DYNC2I1: variants seen among roughly 807,000 people sequenced by gnomAD.
DYNC2I1 encodes the protein cytoplasmic dynein 2 intermediate chain 1.
A neutral mutation model predicts 133.4 loss-of-function variants in DYNC2I1; 89 were observed. That is an observed-to-expected ratio of 0.67 (90% confidence interval 0.56 to 0.80). The LOEUF (loss-of-function observed/expected upper bound fraction) is 0.80, where lower values mean the gene tolerates loss of function less well. Ranked by LOEUF, DYNC2I1 falls within the 30% of genes least tolerant of loss-of-function variation. The pLI is 0.00. For missense variants in DYNC2I1, 1,291 were observed against 1,314.5 expected (o/e 0.98, Z 0.28); for synonymous variants, 504 against 484.3 (o/e 1.04, Z -0.54).
At chr7:158,846,640 TG>T in the DYNC2I1 span, among the ~76,000 whole-genome samples, 4 of 152,236 alleles carry the variant, frequency 2.6e-5, no homozygotes, top group African/African-American at 9.6e-5. Flanking sequence ...CAAGATTTTT[TG>T]AAAATATTGA....
At chr7:158,915,985 ACGT>A (rs1478117081) in intron 14 of DYNC2I1, among the ~76,000 whole-genome samples, 2 of 116,470 alleles carry the variant, frequency 1.7e-5, no homozygotes, top group Non-Finnish European at 3.7e-5. Flanking sequence ...TGATTGTGAA[ACGT>A]CGACACGCTG....
chr7:158,845,206 G>C, the DYNC2I1 span, among the ~76,000 whole-genome samples: 2 of 152,054 alleles, frequency 1.3e-5, no homozygotes, highest in Non-Finnish European at 2.9e-5. Context: ...CATGGCTAGA[G>C]TTCTGAAGTA....
At chr7:158,908,597 GA>G (rs1199852451) in intron 11 of DYNC2I1, among the ~76,000 whole-genome samples, 10 of 152,194 alleles carry the variant, frequency 6.6e-5, no homozygotes, top group African/African-American at 2.4e-4. Flanking sequence ...ATCCAGTCAG[GA>G]AAACAAAAAC....
At chr7:158,941,321 C>G (rs1851338986) in intron 23 of DYNC2I1, among the ~76,000 whole-genome samples, 1 of 152,098 alleles carries the variant, frequency 6.6e-6, no homozygotes, top group Admixed American at 6.6e-5. Context: ...TTCATGGAGC[C>G]AATCTTAATG....
intron 23 of DYNC2I1, among the ~76,000 whole-genome samples, chr7:158,938,989 A>G (rs1435964142): frequency 6.6e-6 from 1 of 152,262 alleles, no homozygotes; most frequent in East Asian, 1.9e-4. Context: ...TTCTTAAGAT[A>G]TAAGTAATTT....
chr7:158,871,052 A>G (rs1329444309), intron 2 of DYNC2I1, 90 bp from the exon 3 acceptor site: 12 of 1,421,232 alleles, frequency 8.4e-6, no homozygotes, highest in African/African-American at 2.9e-5. Flanking sequence ...AAGGCCCTTC[A>G]GCTGTGTGTG....
intron 11 of DYNC2I1, among the ~76,000 whole-genome samples, chr7:158,909,930 C>T (rs570308263): frequency 6.6e-6 from 1 of 152,072 alleles, no homozygotes; most frequent in East Asian, 1.9e-4. Context: ...GCAGGGCAGA[C>T]CTGGAGGAGT....
At chr7:158,948,512 T>C (rs2129490147), downstream of DYNC2I1, among the ~76,000 whole-genome samples, 1 of 152,336 alleles carries the variant, frequency 6.6e-6, no homozygotes, top group East Asian at 1.9e-4. Flanking sequence ...ACTGAGCTCT[T>C]GAGGACGGAG....
At chr7:158,884,245 G>A (rs1345444046) in intron 5 of DYNC2I1, among the ~76,000 whole-genome samples, 4 of 150,790 alleles carry the variant, frequency 2.7e-5, no homozygotes, top group Admixed American at 6.6e-5. Flanking sequence ...GGGTTTCTCC[G>A]TGTTGGTCAG....
intron 7 of DYNC2I1, among the ~76,000 whole-genome samples, chr7:158,889,227 C>T (rs1844942408): frequency 6.6e-6 from 1 of 152,072 alleles, no homozygotes; most frequent in Non-Finnish European, 1.5e-5. Flanking sequence ...ACTACAGGCG[C>T]CTGTCACCAC....
intron 7 of DYNC2I1, among the ~76,000 whole-genome samples, chr7:158,888,731 A>T (rs1844870246): frequency 1.3e-5 from 2 of 152,106 alleles, no homozygotes; most frequent in Admixed American, 1.3e-4. Flanking sequence ...TGGCCTCCCA[A>T]AGTGCTGGGA....
At chr7:158,918,067 A>G (rs947059851) in intron 14 of DYNC2I1, among the ~76,000 whole-genome samples, 2 of 151,640 alleles carry the variant, frequency 1.3e-5, no homozygotes, top group Non-Finnish European at 2.9e-5. Context: ...CCGCCCTCCC[A>G]TATTCTGTCA....
chr7:158,865,057 G>T (rs1382919440), intron 1 of DYNC2I1, among the ~76,000 whole-genome samples: 2 of 152,192 alleles, frequency 1.3e-5, no homozygotes, highest in South Asian at 2.1e-4. Context: ...CTTACAGAGC[G>T]CGGAAGCCCT....
At chr7:158,858,377 C>T (rs1841514535) in intron 1 of DYNC2I1, among the ~76,000 whole-genome samples, 1 of 152,160 alleles carries the variant, frequency 6.6e-6, no homozygotes, top group Non-Finnish European at 1.5e-5. Flanking sequence ...GTCCTGTATT[C>T]TAAGCTCACT....
At chr7:158,923,121 A>T (rs1456602914) in intron 16 of DYNC2I1, among the ~76,000 whole-genome samples, 1 of 152,152 alleles carries the variant, frequency 6.6e-6, no homozygotes, top group Non-Finnish European at 1.5e-5. Flanking sequence ...GAAAATGTGC[A>T]TTTGTATTTT....
At chr7:158,924,128 T>C (rs1849377676) in intron 17 of DYNC2I1, among the ~76,000 whole-genome samples, 1 of 152,234 alleles carries the variant, frequency 6.6e-6, no homozygotes, top group South Asian at 2.1e-4. Flanking sequence ...AGCCTTGGCT[T>C]GACTCGGGTG....
intron 20 of DYNC2I1, among the ~76,000 whole-genome samples, chr7:158,929,147 G>A (rs538822841): frequency 5.3e-5 from 8 of 152,208 alleles, no homozygotes; most frequent in Non-Finnish European, 8.8e-5. Flanking sequence ...CTTGCCTTTA[G>A]GAAGGGAGGA....
At chr7:158,907,485 G>T (rs1022290390) in intron 11 of DYNC2I1, among the ~76,000 whole-genome samples, 1 of 152,086 alleles carries the variant, frequency 6.6e-6, no homozygotes, top group African/African-American at 2.4e-5. Flanking sequence ...GGGGATCTTG[G>T]AATGTGTCAG....
At position 158,897,768 on chromosome 7, in the gene DYNC2I1, T is replaced by G. The variant is rs147140278; in HGVS notation, c.1060-3971T>G. ...GATTTCTGCTCTAATTATTATTATT[T>G]CTTTTTTCTGCTTACTTCAGATTTA... On this transcript the variant is annotated intron_variant, in intron 8 of 24. Transcript: ENST00000407559. Among the ~76,000 whole-genome samples, 292 of 152,326 alleles carry G rather than the reference T, an allele frequency of 1.9e-3. 4 individuals carry two copies. Among genetic ancestry groups the G allele is most frequent in the East Asian group, 0.011 (58 of 5,192 alleles).
Sources: allele counts gnomAD v4.1 joint callset (sites outside exome capture counted in the v4.1 genomes callset), GRCh38; gene constraint gnomAD v4.1.1; transcripts MANE v1.5; gene names NCBI Gene and HGNC (gene_info 2026-07-23, HGNC 2026-07-21).